GNAL: variants seen among roughly 807,000 people sequenced by gnomAD.
GNAL encodes the protein guanine nucleotide-binding protein G(olf) subunit alpha.
GNAL carries 18 observed loss-of-function variants against 55.1 expected under a neutral mutation model. The ratio of observed to expected loss-of-function variants is 0.33; its 90% CI spans 0.23 to 0.48. GNAL has a LOEUF of 0.48. Ranked by LOEUF, GNAL falls within the 20% of genes least tolerant of loss-of-function variation. GNAL has a pLI of 0.99. For synonymous variants in GNAL, 253 were observed against 237.0 expected (o/e 1.07, Z -0.62); for missense variants, 412 against 614.1 (o/e 0.67, Z 3.48).
chr18:11,762,979 A>G (rs1274801145), intron 4 of GNAL, among the ~76,000 whole-genome samples: 1 of 152,228 alleles, frequency 6.6e-6, no homozygotes, highest in African/African-American at 2.4e-5. Flanking sequence ...GATGCTAATA[A>G]AAGGAATTTT....
chr18:11,765,122 A>G (rs1466069126), intron 4 of GNAL, among the ~76,000 whole-genome samples: 1 of 152,240 alleles, frequency 6.6e-6, no homozygotes, highest in African/African-American at 2.4e-5. Flanking sequence ...ATAAAAGCAC[A>G]TGGAGGACCA....
chr18:11,809,269 G>A (rs2143557293), intron 4 of GNAL, among the ~76,000 whole-genome samples: 1 of 149,312 alleles, frequency 6.7e-6, no homozygotes, highest in Middle Eastern at 3.5e-3. Context: ...AAAAAAAAAA[G>A]GAAGAAAGCA....
chr18:11,783,468 G>T (rs2033975890), intron 4 of GNAL, among the ~76,000 whole-genome samples: 1 of 152,160 alleles, frequency 6.6e-6, no homozygotes, highest in African/African-American at 2.4e-5. Context: ...CTTTTATATT[G>T]TGCCTGCAAA....
At chr18:11,691,658 C>T (rs1157623992) in intron 1 of GNAL, among the ~76,000 whole-genome samples, 1 of 151,842 alleles carries the variant, frequency 6.6e-6, no homozygotes, top group Non-Finnish European at 1.5e-5. Context: ...GGAAGGGATC[C>T]AGTTTCAGCT....
chr18:11,714,665 T>C (rs1195817226), intron 1 of GNAL, among the ~76,000 whole-genome samples: 1 of 152,130 alleles, frequency 6.6e-6, no homozygotes. Flanking sequence ...GTTTTAGGGC[T>C]CACAAAGAAT....
intron 4 of GNAL, among the ~76,000 whole-genome samples, chr18:11,760,404 G>A (rs1043451317): frequency 6.6e-6 from 1 of 152,178 alleles, no homozygotes; most frequent in African/African-American, 2.4e-5. Context: ...TGTTTTATGG[G>A]AGAAAGGCAA....
At chr18:11,845,146 G>A (rs562229524) in intron 5 of GNAL, among the ~76,000 whole-genome samples, 5 of 152,258 alleles carry the variant, frequency 3.3e-5, no homozygotes, top group African/African-American at 1.2e-4. Flanking sequence ...TTACAGATGT[G>A]AGCCACCACG....
chr18:11,881,460 A>C lies in GNAL; in HGVS notation c.*325A>C, dbSNP rs1201902767. 3.0e-5 allele frequency: 7 copies of C among 231,186 alleles called. No individual in the cohort carries two copies. Among genetic ancestry groups the C allele is most frequent in the Middle Eastern group, 1.4e-3 (1 of 702 alleles). 14.3% of individuals were successfully genotyped at this position (231,186 alleles called of 1,614,324 possible). A position where few individuals can be genotyped will look rare whatever the true frequency, so the allele number is the denominator to read the frequency against. On this transcript the variant is annotated 3_prime_UTR_variant, in exon 12 of 12. Coordinates refer to ENST00000334049, the MANE Select transcript of GNAL (RefSeq NM_182978.4). This position sits in a 1 kb window ranked among gnomAD's most constrained non-coding sequence, Gnocchi z 4.8. ...AGGAGAACTTGGTAGATGGGGAGAA[A>C]ACACAGTTGGTTTTTTTTTCCACGT...
intron 1 of GNAL, chr18:11,746,967 C>G (rs1157787360): frequency 9.6e-6 from 5 of 522,446 alleles, no homozygotes; most frequent in Non-Finnish European, 1.9e-5. Context: ...TATTTAATTT[C>G]CGAGTAGATT....
chr18:11,752,264 G>A lies in GNAL; in HGVS notation c.377-589G>A, dbSNP rs1170492319. 7.3e-7 allele frequency: 1 copy of A among 1,370,360 alleles called. No individual in the cohort carries two copies. The highest frequency in any genetic ancestry group is 9.5e-7 in the Non-Finnish European group (1 of 1,056,056). The allele number at this position is 1,370,360 out of a possible 1,614,324, so 84.9% of individuals were successfully genotyped here. A position where few individuals can be genotyped will look rare whatever the true frequency, so the allele number is the denominator to read the frequency against. Reference sequence around the variant, plus strand: ...TAGTTGGGAGTTTGCGGTGGGCAGGGGGAGGGAGAAGAAACGCCTGCTCTG... The same window carrying A: ...TAGTTGGGAGTTTGCGGTGGGCAGGAGGAGGGAGAAGAAACGCCTGCTCTG... On this transcript the variant is annotated intron_variant, in intron 1 of 11. Transcript: ENST00000334049. This position sits in a 1 kb window ranked among gnomAD's most constrained non-coding sequence, Gnocchi z 4.5.
intron 1 of GNAL, among the ~76,000 whole-genome samples, chr18:11,703,239 G>A (rs561310423): frequency 4.6e-5 from 7 of 152,262 alleles, no homozygotes; most frequent in South Asian, 2.1e-4. Flanking sequence ...ATGCCACGCA[G>A]AGCAAATGAA....
chr18:11,880,787 C>T (rs923618098), intron 11 of GNAL, among the ~76,000 whole-genome samples: 7 of 152,074 alleles, frequency 4.6e-5, no homozygotes, highest in Non-Finnish European at 8.8e-5. Context: ...GCTTCAGCCT[C>T]CTGGGGGCAA....
chr18:11,763,687 C>A (rs2033315946), intron 4 of GNAL, among the ~76,000 whole-genome samples: 1 of 152,162 alleles, frequency 6.6e-6, no homozygotes, highest in Admixed American at 6.5e-5. Context: ...TTGTAATCAA[C>A]AAACCTTACT....
intron 5 of GNAL, among the ~76,000 whole-genome samples, chr18:11,827,567 T>C (rs2035278783): frequency 6.6e-6 from 1 of 150,944 alleles, no homozygotes; most frequent in African/African-American, 2.4e-5. Flanking sequence ...GAGCCGAGAT[T>C]GTACACCTGC....
intron 5 of GNAL, among the ~76,000 whole-genome samples, chr18:11,827,554 A>G (rs2035278252): frequency 6.6e-6 from 1 of 152,176 alleles, no homozygotes; most frequent in Non-Finnish European, 1.5e-5. Flanking sequence ...CGGAGGTGGC[A>G]GTGAGCCGAG....
chr18:11,748,785 T>C (rs1255576099), intron 1 of GNAL, among the ~76,000 whole-genome samples: 1 of 152,102 alleles, frequency 6.6e-6, no homozygotes, highest in African/African-American at 2.4e-5. Context: ...CAAATCCTTA[T>C]AAAAATCCCA....
intron 1 of GNAL, among the ~76,000 whole-genome samples, chr18:11,735,886 G>A (rs183271029): frequency 7.9e-5 from 12 of 152,196 alleles, no homozygotes; most frequent in Admixed American, 6.5e-5. Flanking sequence ...AGGACAGAGA[G>A]CAACACTGGA....
chr18:11,751,231 C>T lies in GNAL; in HGVS notation c.377-1622C>T, dbSNP rs1306854250. Reference sequence around the variant, plus strand: ...CCCGGCCCCCTCTTCTGACCTCCTTCCCCCAAGTACAACACTGCAAACGCC... The same window carrying T: ...CCCGGCCCCCTCTTCTGACCTCCTTTCCCCAAGTACAACACTGCAAACGCC... On this transcript the variant is annotated intron_variant, in intron 1 of 11. Transcript: ENST00000334049. This position sits in a 1 kb window ranked among gnomAD's most constrained non-coding sequence, Gnocchi z 4.5. Among the ~76,000 whole-genome samples, 1 of 152,162 alleles carries T rather than the reference C, an allele frequency of 6.6e-6. No individual in the cohort carries two copies. The highest frequency in any genetic ancestry group is 2.4e-5 in the African/African-American group (1 of 41,440).
At chr18:11,759,638 G>A (rs1413306105) in intron 4 of GNAL, among the ~76,000 whole-genome samples, 2 of 152,230 alleles carry the variant, frequency 1.3e-5, no homozygotes, top group African/African-American at 4.8e-5. Context: ...GAGCCAGACG[G>A]CCTGGTGTGA....
Sources: gnomAD v4.1 joint callset for allele counts (sites outside exome capture counted in the v4.1 genomes callset) on GRCh38, gnomAD v4.1.1 for gene constraint, Gnocchi (gnomAD v3.1) non-coding constraint, MANE v1.5 for transcripts, NCBI Gene and HGNC (gene_info 2026-07-23, HGNC 2026-07-21) for gene names.